ZMYND8: variants seen among roughly 807,000 people sequenced by gnomAD.
The protein encoded by ZMYND8 is zinc finger MYND-type containing 8.
ZMYND8 carries 37 observed loss-of-function variants against 140.8 expected under a neutral mutation model. The observed-to-expected ratio is 0.26, with a 90% CI of 0.20 to 0.35. The LOEUF (loss-of-function observed/expected upper bound fraction) is 0.35, where lower values mean the gene tolerates loss of function less well. Ranked by LOEUF, ZMYND8 falls within the 10% of genes least tolerant of loss-of-function variation. The pLI, the probability that ZMYND8 is intolerant of heterozygous loss-of-function variation, is 1.00. For synonymous variants in ZMYND8, 592 were observed against 597.1 expected (o/e 0.99, Z 0.12); for missense variants, 1,068 against 1,570.0 (o/e 0.68, Z 5.40).
chr20:47,326,166 G>A (rs188992091), intron 2 of ZMYND8, among the ~76,000 whole-genome samples: 2 of 152,208 alleles, frequency 1.3e-5, no homozygotes, highest in African/African-American at 4.8e-5. Flanking sequence ...CACCATGTTG[G>A]CCAGGCTGGT....
At chr20:47,309,813 G>C (rs1450554962) in intron 3 of ZMYND8, among the ~76,000 whole-genome samples, 1 of 150,908 alleles carries the variant, frequency 6.6e-6, no homozygotes, top group African/African-American at 2.4e-5. Context: ...AAACCCTAAA[G>C]AATTATATAC....
At chr20:47,282,287 T>A in intron 9 of ZMYND8, 70 bp from the exon 10 acceptor site, 2 of 1,378,712 alleles carry the variant, frequency 1.5e-6, no homozygotes. Flanking sequence ...AAGTTTGGTA[T>A]GTGAGGATGA....
At chr20:47,273,967 T>A (rs2076109786) in intron 11 of ZMYND8, among the ~76,000 whole-genome samples, 1 of 152,244 alleles carries the variant, frequency 6.6e-6, no homozygotes, top group Non-Finnish European at 1.5e-5. Flanking sequence ...TAAAATGACC[T>A]AAGCACATAC....
chr20:47,249,227 C>T (rs2073972396), intron 13 of ZMYND8, 60 bp downstream of exon 13: 3 of 1,570,638 alleles, frequency 1.9e-6, no homozygotes, highest in East Asian at 2.3e-5. Flanking sequence ...CAGGTGGTAT[C>T]CCTACCAGTA....
intron 3 of ZMYND8, among the ~76,000 whole-genome samples, chr20:47,305,169 A>G (rs2078380578): frequency 6.6e-6 from 1 of 151,816 alleles, no homozygotes; most frequent in Non-Finnish European, 1.5e-5. Context: ...ACTTGAGCCC[A>G]GGAGGTCAAG....
intron 11 of ZMYND8, among the ~76,000 whole-genome samples, chr20:47,264,641 C>T (rs1164648275): frequency 1.3e-5 from 2 of 149,826 alleles, no homozygotes; most frequent in African/African-American, 4.9e-5. Context: ...TGGCCTAGCA[C>T]GTGGCATGCC....
intron 13 of ZMYND8, among the ~76,000 whole-genome samples, chr20:47,246,843 G>A (rs1198333385): frequency 6.6e-6 from 1 of 152,128 alleles, no homozygotes; most frequent in African/African-American, 2.4e-5. Flanking sequence ...GAAGAGGGCT[G>A]GAAGGGAACA....
At chr20:47,285,510 T>C (rs953843628) in intron 8 of ZMYND8, among the ~76,000 whole-genome samples, 2 of 152,230 alleles carry the variant, frequency 1.3e-5, no homozygotes, top group African/African-American at 4.8e-5. Flanking sequence ...CTACCGTTTT[T>C]ACAGATCACA....
chr20:47,286,160 T>C (rs1271665495), intron 8 of ZMYND8, among the ~76,000 whole-genome samples: 3 of 151,194 alleles, frequency 2.0e-5, no homozygotes, highest in Non-Finnish European at 4.4e-5. Context: ...TATATAGATA[T>C]AAATTTATAA....
chr20:47,309,382 T>C (rs1170341944), intron 3 of ZMYND8, among the ~76,000 whole-genome samples: 1 of 152,040 alleles, frequency 6.6e-6, no homozygotes, highest in Non-Finnish European at 1.5e-5. Context: ...CTCGGCTCAC[T>C]GCAACCTCCG....
chr20:47,227,359 T>G, intron 17 of ZMYND8, 78 bp from the exon 18 acceptor site: 1 of 1,374,740 alleles, frequency 7.3e-7, no homozygotes, highest in South Asian at 1.2e-5. Context: ...CAACCACGGC[T>G]GGCTGTGAGG....
chr20:47,277,758 TC>T (rs2076346854), intron 10 of ZMYND8, among the ~76,000 whole-genome samples: 1 of 151,892 alleles, frequency 6.6e-6, no homozygotes, highest in Non-Finnish European at 1.5e-5. Context: ...GCAACCTCCG[TC>T]TCCTGGGTTC....
chr20:47,259,922 C>T (rs1346577945), intron 12 of ZMYND8, among the ~76,000 whole-genome samples: 2 of 152,158 alleles, frequency 1.3e-5, no homozygotes, highest in Non-Finnish European at 2.9e-5. Flanking sequence ...AGAATTACAC[C>T]TCCTGCCTGA....
At chr20:47,275,860 T>C (rs929739052) in intron 11 of ZMYND8, among the ~76,000 whole-genome samples, 3 of 152,172 alleles carry the variant, frequency 2.0e-5, no homozygotes, top group African/African-American at 7.2e-5. Context: ...CTGACTGCCT[T>C]GCCCTCCCAA....
At chr20:47,221,246 AG>A (rs2036894187) in intron 20 of ZMYND8, 67 bp downstream of exon 20, 6 of 1,579,604 alleles carry the variant, frequency 3.8e-6, no homozygotes, top group Admixed American at 1.8e-5. Flanking sequence ...GGCGGCAGAC[AG>A]GGGGTCCTAA....
At chr20:47,294,391 C>A (rs1398875181) in intron 5 of ZMYND8, among the ~76,000 whole-genome samples, 1 of 151,700 alleles carries the variant, frequency 6.6e-6, no homozygotes, top group Admixed American at 6.6e-5. Context: ...AACCTCTTTT[C>A]TTCATAAATT....
intron 2 of ZMYND8, among the ~76,000 whole-genome samples, chr20:47,347,332 C>T (rs981764256): frequency 1.4e-4 from 21 of 152,196 alleles, no homozygotes; most frequent in Admixed American, 3.3e-4. Context: ...TGTGAATAAA[C>T]GCATAAATTG....
intron 11 of ZMYND8, among the ~76,000 whole-genome samples, chr20:47,269,388 T>C (rs928012299): frequency 6.6e-6 from 1 of 152,098 alleles, no homozygotes; most frequent in African/African-American, 2.4e-5. Flanking sequence ...GGTCCTGAGG[T>C]TGAGAAAAAC....
chr20:47,225,835 G>C (rs965822142), intron 18 of ZMYND8, among the ~76,000 whole-genome samples: 33 of 151,862 alleles, frequency 2.2e-4, no homozygotes, highest in African/African-American at 8.0e-4. Flanking sequence ...ATGAAAGTAA[G>C]ATTCCCTGAT....
Sources: allele counts gnomAD v4.1 joint callset (sites outside exome capture counted in the v4.1 genomes callset), GRCh38; gene constraint gnomAD v4.1.1; transcripts MANE v1.5; gene names NCBI Gene and HGNC (gene_info 2026-07-23, HGNC 2026-07-21).